The following CTNNA3 variants were observed in gnomAD, a reference collection of about 807,000 sequenced individuals.
The protein encoded by CTNNA3 is catenin alpha-3.
In CTNNA3, 76 loss-of-function variants were observed where a neutral mutation model predicts 95.7. The ratio of observed to expected loss-of-function variants is 0.79; its 90% CI spans 0.66 to 0.96. The LOEUF (loss-of-function observed/expected upper bound fraction) is 0.96, where lower values mean the gene tolerates loss of function less well. Among genes scored for constraint, CTNNA3 ranks in the 40% least tolerant of loss-of-function variants. The pLI is 0.00. For synonymous variants in CTNNA3, 431 were observed against 374.4 expected, an observed-to-expected ratio of 1.15 and a Z score of -1.74; for missense variants, 1,191 against 1,089.8, an observed-to-expected ratio of 1.09 and a Z score of -1.31.
chr10:66,064,290 TGACATGTGGG>T (rs1399759773), intron 15 of CTNNA3, among the ~76,000 whole-genome samples: 1 of 152,118 alleles, frequency 6.6e-6, no homozygotes, highest in Admixed American at 6.6e-5. Flanking sequence ...GTCTCTCCCT[TGACATGTGGG>T]AATTATGAGG....
At chr10:66,332,678 C>G (rs1214930779) in intron 12 of CTNNA3, among the ~76,000 whole-genome samples, 2 of 152,028 alleles carry the variant, frequency 1.3e-5, no homozygotes, top group African/African-American at 4.8e-5. Context: ...GGATATTGGT[C>G]TAAAATTCTC....
intron 11 of CTNNA3, among the ~76,000 whole-genome samples, chr10:66,511,761 G>A (rs1840670624): frequency 6.6e-6 from 1 of 151,806 alleles, no homozygotes; most frequent in South Asian, 2.1e-4. Flanking sequence ...AAATTATTTA[G>A]AGTTGTTTTG....
intron 12 of CTNNA3, among the ~76,000 whole-genome samples, chr10:66,337,239 G>A (rs930481496): frequency 2.0e-5 from 3 of 152,016 alleles, no homozygotes; most frequent in Non-Finnish European, 2.9e-5. Flanking sequence ...AATTTAATCT[G>A]CATACGAAGG....
intron 7 of CTNNA3, among the ~76,000 whole-genome samples, chr10:67,041,567 C>A: frequency 6.6e-6 from 1 of 152,076 alleles, no homozygotes; most frequent in East Asian, 1.9e-4. Context: ...TAGTAATTGA[C>A]TGGCTCATAA....
At chr10:67,020,741 A>C (rs986509769) in intron 7 of CTNNA3, among the ~76,000 whole-genome samples, 3 of 152,160 alleles carry the variant, frequency 2.0e-5, no homozygotes, top group Non-Finnish European at 4.4e-5. Context: ...GCATAATGAA[A>C]ATACAAACTA....
chr10:66,578,969 CTTT>C (rs368410578), intron 10 of CTNNA3, among the ~76,000 whole-genome samples: 4 of 140,580 alleles, frequency 2.8e-5, no homozygotes, highest in Non-Finnish European at 1.6e-5. Flanking sequence ...TGCTCTAGGC[CTTT>C]TTTTTTTTTT....
At chr10:65,977,797 A>T (rs985831818) in intron 16 of CTNNA3, among the ~76,000 whole-genome samples, 25 of 151,738 alleles carry the variant, frequency 1.6e-4, no homozygotes, top group African/African-American at 4.6e-4. Flanking sequence ...AAAAAATAAT[A>T]AATAAATAAA....
At chr10:66,795,989 G>C (rs572399137) in intron 7 of CTNNA3, among the ~76,000 whole-genome samples, 15 of 152,222 alleles carry the variant, frequency 9.9e-5, no homozygotes, top group African/African-American at 3.6e-4. Context: ...TTATGGGAAT[G>C]TTGTGGCTGG....
At chr10:66,232,160 C>A (rs74366283) in intron 13 of CTNNA3, among the ~76,000 whole-genome samples, 2 of 152,050 alleles carry the variant, frequency 1.3e-5, no homozygotes, top group Non-Finnish European at 2.9e-5. Flanking sequence ...CAGTCTAGTT[C>A]GACTTTGAGC....
At chr10:66,967,385 CAT>C (rs1255151625) in intron 7 of CTNNA3, among the ~76,000 whole-genome samples, 2 of 151,350 alleles carry the variant, frequency 1.3e-5, no homozygotes, top group Non-Finnish European at 2.9e-5. Context: ...CATATATCTA[CAT>C]ATGTGTATAT....
intron 17 of CTNNA3, among the ~76,000 whole-genome samples, chr10:65,947,305 A>G (rs1477837482): frequency 9.9e-5 from 15 of 152,168 alleles, no homozygotes; most frequent in Admixed American, 7.9e-4. Context: ...CTTTACACAT[A>G]ATTTGAAATA....
intron 7 of CTNNA3, among the ~76,000 whole-genome samples, chr10:66,900,343 T>C (rs997585015): frequency 1.3e-5 from 2 of 151,648 alleles, no homozygotes; most frequent in African/African-American, 4.8e-5. Context: ...AAAAAGGACA[T>C]CCCCAATAAA....
intron 7 of CTNNA3, among the ~76,000 whole-genome samples, chr10:66,880,631 C>T (rs1844808028): frequency 6.6e-6 from 1 of 152,106 alleles, no homozygotes; most frequent in Non-Finnish European, 1.5e-5. Flanking sequence ...AAAAATGGCA[C>T]TAACACATCA....
intron 5 of CTNNA3, among the ~76,000 whole-genome samples, chr10:67,352,877 C>T (rs567868542): frequency 6.6e-6 from 1 of 152,080 alleles, no homozygotes; most frequent in South Asian, 2.1e-4. Context: ...AAAGTAGCAT[C>T]TTTTTTCCTT....
At chr10:66,722,013 A>C (rs560933183) in intron 9 of CTNNA3, among the ~76,000 whole-genome samples, 130 of 152,326 alleles carry the variant, frequency 8.5e-4, no homozygotes, top group African/African-American at 2.9e-3. Context: ...CTGAGAGAAG[A>C]AGCATATTAT....
At position 66,941,734 on chromosome 10, in the gene CTNNA3, C is replaced by T. The variant is rs556598578; in HGVS notation, c.1048-166210G>A. Among the ~76,000 whole-genome samples the T allele has an allele frequency of 6.6e-5, 10 of 152,222 alleles. 1 individual carries two copies. Among genetic ancestry groups the T allele is most frequent in the South Asian group, 2.1e-4 (1 of 4,824 alleles). On this transcript the variant is annotated intron_variant, in intron 7 of 17. Coordinates refer to ENST00000433211, the MANE Select transcript of CTNNA3 (RefSeq NM_013266.4). ...TGCCCGTGCCAGCCAGAATTCAAGC[C>T]GCGTGAGCTGAGTGTGGCTGAAAGA...
At chr10:66,117,196 G>A (rs1242644713) in intron 13 of CTNNA3, among the ~76,000 whole-genome samples, 1 of 152,012 alleles carries the variant, frequency 6.6e-6, no homozygotes, top group Non-Finnish European at 1.5e-5. Context: ...TGATAGCCTT[G>A]GGGTTTTATA....
chr10:67,750,026 T>C (rs1000924608), intron 1 of CTNNA3, among the ~76,000 whole-genome samples: 1 of 152,146 alleles, frequency 6.6e-6, no homozygotes, highest in Non-Finnish European at 1.5e-5. Flanking sequence ...TTAAGAGCTG[T>C]AACACTCGCC....
At chr10:67,227,664 A>G (rs1406933670) in intron 5 of CTNNA3, among the ~76,000 whole-genome samples, 5 of 152,334 alleles carry the variant, frequency 3.3e-5, no homozygotes, top group Non-Finnish European at 7.4e-5. Context: ...CAAAGGAACA[A>G]TTGATTTAAA....
Sources: gnomAD v4.1 joint callset for allele counts (sites outside exome capture counted in the v4.1 genomes callset) on GRCh38, gnomAD v4.1.1 for gene constraint, MANE v1.5 for transcripts, NCBI Gene and HGNC (gene_info 2026-07-23, HGNC 2026-07-21) for gene names.